CARMIL1: variants seen among roughly 807,000 people sequenced by gnomAD.
CARMIL1 encodes F-actin-uncapping protein LRRC16A.
Under a neutral mutation model 177.1 loss-of-function variants are expected in CARMIL1, and 90 were observed. The observed-to-expected ratio is 0.51, with a 90% CI of 0.43 to 0.61. The LOEUF is 0.61. Among genes scored for constraint, CARMIL1 ranks in the 20% least tolerant of loss-of-function variants. The pLI is 0.00. For missense variants in CARMIL1, 1,380 were observed against 1,667.0 expected (o/e 0.83, Z 3.00); for synonymous variants, 577 against 606.2 (o/e 0.95, Z 0.71).
chr6:25,611,744 TG>T (rs1816520560), intron 36 of CARMIL1, among the ~76,000 whole-genome samples: 1 of 152,186 alleles, frequency 6.6e-6, no homozygotes, highest in African/African-American at 2.4e-5. Flanking sequence ...TTCTGGAAAG[TG>T]GTGTTTTCTA....
At chr6:25,479,291 CT>C (rs765218994) in intron 11 of CARMIL1, 3 of 495,842 alleles carry the variant, frequency 6.1e-6, no homozygotes, top group East Asian at 1.1e-4. Flanking sequence ...TGTGTGGCTT[CT>C]TTTGCTTCTC....
intron 11 of CARMIL1, among the ~76,000 whole-genome samples, chr6:25,476,761 C>A (rs1801611837): frequency 6.6e-6 from 1 of 152,046 alleles, no homozygotes; most frequent in South Asian, 2.1e-4. Context: ...ATATAAAAAA[C>A]ACTAAGCCAG....
intron 11 of CARMIL1, among the ~76,000 whole-genome samples, chr6:25,481,662 T>C (rs1802133237): frequency 6.6e-6 from 1 of 152,192 alleles, no homozygotes; most frequent in African/African-American, 2.4e-5. Flanking sequence ...TCTCCCACTC[T>C]GGTTATTAAA....
rs549172122 is a variant in CARMIL1, at chr6:25,416,946, CT to C, written c.139-3167del. Among the ~76,000 whole-genome samples, 147 of 152,230 alleles carry C rather than the reference CT, an allele frequency of 9.7e-4. 1 individual carries two copies. The highest frequency in any genetic ancestry group is 1.1e-3 in the Non-Finnish European group (73 of 68,018). On this transcript the variant is annotated intron_variant, in intron 2 of 36. Coordinates refer to ENST00000329474, the MANE Select transcript of CARMIL1 (RefSeq NM_017640.6). ...TTGGGGATTGATCATACCAGTACCCCTGGGAGAGAGAAATGTGTGTGCTGCT... is the reference window on the plus strand; with the variant it reads ...TTGGGGATTGATCATACCAGTACCCCGGGAGAGAGAAATGTGTGTGCTGCT...
At chr6:25,294,303 G>C (rs1468972898) in intron 2 of CARMIL1, among the ~76,000 whole-genome samples, 1 of 152,116 alleles carries the variant, frequency 6.6e-6, no homozygotes, top group Non-Finnish European at 1.5e-5. Flanking sequence ...GGATTAGTAG[G>C]TATATCCACC....
At chr6:25,403,716 C>T (rs1321994914) in intron 2 of CARMIL1, among the ~76,000 whole-genome samples, 3 of 152,084 alleles carry the variant, frequency 2.0e-5, no homozygotes, top group South Asian at 2.1e-4. Flanking sequence ...TTCATAATTA[C>T]GTCACACCAA....
intron 2 of CARMIL1, among the ~76,000 whole-genome samples, chr6:25,304,116 C>T (rs966554104): frequency 2.0e-5 from 3 of 152,204 alleles, no homozygotes; most frequent in African/African-American, 7.2e-5. Context: ...GAGCTGTGCT[C>T]ACACATGGGA....
At chr6:25,539,808 A>T in intron 25 of CARMIL1, 139 bp from the exon 26 acceptor site, 1 of 566,168 alleles carries the variant, frequency 1.8e-6, no homozygotes, top group Non-Finnish European at 2.8e-6. Flanking sequence ...ACCTCAGTTT[A>T]TTAATCTGTG....
At chr6:25,587,636 G>A (rs1024639790) in intron 31 of CARMIL1, among the ~76,000 whole-genome samples, 1 of 152,006 alleles carries the variant, frequency 6.6e-6, no homozygotes, top group Admixed American at 6.5e-5. Context: ...CTTAAATGGA[G>A]GAGGAAGAGA....
At chr6:25,616,786 G>A (rs1167224218) in intron 36 of CARMIL1, among the ~76,000 whole-genome samples, 1 of 152,170 alleles carries the variant, frequency 6.6e-6, no homozygotes, top group African/African-American at 2.4e-5. Flanking sequence ...GACAAAGAAC[G>A]TTCGTCCTAC....
chr6:25,340,867 A>ATTC (rs572046884), intron 2 of CARMIL1, among the ~76,000 whole-genome samples: 146 of 147,408 alleles, frequency 9.9e-4, no homozygotes, highest in African/African-American at 3.3e-3. Flanking sequence ...GAGTTAGGAA[A>ATTC]TTCTGAGATA....
At chr6:25,381,917 G>T (rs1335665606) in intron 2 of CARMIL1, among the ~76,000 whole-genome samples, 1 of 151,934 alleles carries the variant, frequency 6.6e-6, no homozygotes, top group Non-Finnish European at 1.5e-5. Flanking sequence ...GGTTCCCCTG[G>T]CAACCACCAG....
intron 22 of CARMIL1, among the ~76,000 whole-genome samples, chr6:25,519,095 A>G (rs1209586616): frequency 1.3e-5 from 2 of 152,138 alleles, no homozygotes; most frequent in Non-Finnish European, 2.9e-5. Flanking sequence ...TGCTACTATT[A>G]ACTTGATGGT....
At chr6:25,592,735 G>T (rs1814440824) in intron 31 of CARMIL1, among the ~76,000 whole-genome samples, 1 of 152,090 alleles carries the variant, frequency 6.6e-6, no homozygotes, top group Non-Finnish European at 1.5e-5. Context: ...TTCCCCCTAG[G>T]CACCTTGAGA....
chr6:25,538,119 TA>T, intron 25 of CARMIL1, 136 bp downstream of exon 25: 1 of 928,422 alleles, frequency 1.1e-6, no homozygotes, highest in Non-Finnish European at 1.6e-6. Context: ...TGAACTGAAT[TA>T]GCCTTGACCT....
intron 2 of CARMIL1, among the ~76,000 whole-genome samples, chr6:25,379,540 C>T (rs1791329131): frequency 1.3e-5 from 2 of 152,056 alleles, no homozygotes; most frequent in South Asian, 4.1e-4. Context: ...TCTCAGCTGG[C>T]CAGAGAGCTT....
intron 4 of CARMIL1, among the ~76,000 whole-genome samples, chr6:25,430,489 G>A (rs535580129): frequency 1.1e-4 from 16 of 151,010 alleles, no homozygotes; most frequent in South Asian, 6.3e-4. Context: ...GAGTGCAGGG[G>A]TGCAATCTCA....
chr6:25,492,791 G>A (rs983392880), intron 15 of CARMIL1, among the ~76,000 whole-genome samples: 23 of 152,124 alleles, frequency 1.5e-4, no homozygotes, highest in African/African-American at 5.3e-4. Context: ...CACTTATTTG[G>A]AAAATTCAGT....
intron 2 of CARMIL1, among the ~76,000 whole-genome samples, chr6:25,314,507 A>C (rs900238704): frequency 8.2e-6 from 1 of 121,390 alleles, no homozygotes; most frequent in East Asian, 3.0e-4. Context: ...ACACACCCCC[A>C]CACACAATAC....
Sources: allele counts gnomAD v4.1 joint callset (sites outside exome capture counted in the v4.1 genomes callset), GRCh38; gene constraint gnomAD v4.1.1; transcripts MANE v1.5; gene names NCBI Gene and HGNC (gene_info 2026-07-23, HGNC 2026-07-21).